The following CWF19L2 variants were observed in gnomAD, a reference collection of about 807,000 sequenced individuals.
The protein encoded by CWF19L2 is CWF19-like protein 2.
In CWF19L2, 98 loss-of-function variants were observed where a neutral mutation model predicts 111.7. The observed-to-expected ratio is 0.88, with a 90% CI of 0.75 to 1.04. CWF19L2 has a LOEUF of 1.04. Among genes scored for constraint, CWF19L2 ranks in the 50% least tolerant of loss-of-function variants. The pLI, the probability that CWF19L2 is intolerant of heterozygous loss-of-function variation, is 0.00. For missense variants in CWF19L2, 1,101 were observed against 1,051.4 expected, an observed-to-expected ratio of 1.05 and a Z score of -0.65; for synonymous variants, 351 against 342.9, an observed-to-expected ratio of 1.02 and a Z score of -0.26.
At chr11:107,455,345 A>C (rs1220004281) in intron 2 of CWF19L2, among the ~76,000 whole-genome samples, 1 of 152,130 alleles carries the variant, frequency 6.6e-6, no homozygotes, top group Non-Finnish European at 1.5e-5. Context: ...CAGGCTTGAG[A>C]CCTAAAAAAA....
chr11:107,427,979 T>A (rs565047614), intron 8 of CWF19L2, among the ~76,000 whole-genome samples: 104 of 152,272 alleles, frequency 6.8e-4, no homozygotes, highest in Middle Eastern at 6.8e-3. Context: ...AGTGCTTTTA[T>A]CTACTACAAC....
chr11:107,435,608 T>C (rs1024405207), intron 6 of CWF19L2, among the ~76,000 whole-genome samples: 52 of 152,124 alleles, frequency 3.4e-4, no homozygotes, highest in African/African-American at 1.2e-3. Flanking sequence ...GTTAAATCCA[T>C]ACAATTTTAG....
At chr11:107,402,875 A>ATG (rs1861025279) in intron 10 of CWF19L2, among the ~76,000 whole-genome samples, 1 of 43,216 alleles carries the variant, frequency 2.3e-5, no homozygotes, top group East Asian at 6.8e-4. Flanking sequence ...TGTGGTGTGT[A>ATG]TATATATATA....
chr11:107,439,990 T>C (rs1424429633), intron 5 of CWF19L2, among the ~76,000 whole-genome samples: 1 of 152,158 alleles, frequency 6.6e-6, no homozygotes, highest in Non-Finnish European at 1.5e-5. Context: ...CAGATGATAG[T>C]AGCCTAATCA....
At chr11:107,415,541 T>C (rs947561930) in intron 10 of CWF19L2, among the ~76,000 whole-genome samples, 36 of 152,228 alleles carry the variant, frequency 2.4e-4, no homozygotes, top group African/African-American at 8.4e-4. Context: ...CCAAAGTAAT[T>C]TGTTTTATAT....
At chr11:107,415,729 A>C (rs1470334605) in intron 10 of CWF19L2, among the ~76,000 whole-genome samples, 1 of 152,206 alleles carries the variant, frequency 6.6e-6, no homozygotes, top group East Asian at 1.9e-4. Flanking sequence ...ATATATAGAA[A>C]ACTAAATTTT....
At chr11:107,333,142 T>C (rs926245998) in intron 16 of CWF19L2, among the ~76,000 whole-genome samples, 5 of 151,950 alleles carry the variant, frequency 3.3e-5, no homozygotes, top group Admixed American at 2.0e-4. Context: ...TCATCCTTCA[T>C]TGACTGTAAC....
chr11:107,330,046 G>C, intron 16 of CWF19L2, 27 bp from the exon 17 acceptor site: 2 of 1,409,428 alleles, frequency 1.4e-6, no homozygotes, highest in Non-Finnish European at 1.9e-6. Flanking sequence ...ATCACAAATG[G>C]AATACAGTAT....
At position 107,442,998 on chromosome 11, in the gene CWF19L2, C is replaced by G; in HGVS notation, c.391G>C (p.Glu131Gln). The G allele has an allele frequency of 6.4e-7, 1 of 1,551,864 alleles. No individual in the cohort carries two copies. Among genetic ancestry groups the G allele is most frequent in the Middle Eastern group, 1.7e-4 (1 of 5,992 alleles). Residue 131 changes from glutamate to glutamine, a missense_variant, in exon 4 of 18, where the codon GAA becomes CAA. Coordinates refer to ENST00000282251, the MANE Select transcript of CWF19L2 (RefSeq NM_152434.3). ...TCATCTTTCACTTTCCAGGCTTTTT[C>G]CTTGTCAGGAGTCTGGGATGGAACA... ...EAVPSQTPDK[E>Q]KAWKVKDEKS...
At chr11:107,363,397 G>A (rs1860389075) in intron 12 of CWF19L2, among the ~76,000 whole-genome samples, 1 of 152,030 alleles carries the variant, frequency 6.6e-6, no homozygotes, top group Admixed American at 6.6e-5. Context: ...TGAAATGAAG[G>A]AAAAATGTTA....
At chr11:107,371,297 C>T (rs1860506971) in intron 12 of CWF19L2, among the ~76,000 whole-genome samples, 2 of 137,376 alleles carry the variant, frequency 1.5e-5, no homozygotes, top group African/African-American at 5.8e-5. Context: ...GCCACCACGC[C>T]CGGCCTCTAG....
chr11:107,457,654 C>A, intron 1 of CWF19L2, 58 bp downstream of exon 1: 1 of 1,300,978 alleles, frequency 7.7e-7, no homozygotes, highest in Non-Finnish European at 1.1e-6. Context: ...GGCTAGCTTA[C>A]GGGAACCCTC....
chr11:107,327,277 A>G (rs535631296), intron 17 of CWF19L2, among the ~76,000 whole-genome samples: 1 of 152,270 alleles, frequency 6.6e-6, no homozygotes, highest in East Asian at 1.9e-4. Context: ...CCTATCAAGC[A>G]ATTTGTCCAT....
rs1365755958 is a variant in CWF19L2, at chr11:107,353,523, C to A, written c.2085+1G>T. The stretch of plus-strand genomic sequence containing the variant: ...AGCAAAGGATAATAAATACTTCTTA[C>A]CTTAACACCTATTGCAACAATAAGA... On this transcript the variant is annotated splice_donor_variant, in intron 13 of 17. Coordinates refer to ENST00000282251, the MANE Select transcript of CWF19L2 (RefSeq NM_152434.3). LOFTEE classifies it high-confidence loss of function. The A allele has an allele frequency of 6.2e-7, 1 of 1,609,826 alleles. No individual in the cohort carries two copies. The highest frequency in any genetic ancestry group is 1.1e-5 in the South Asian group (1 of 90,968).
At chr11:107,407,571 G>C (rs1450202097) in intron 10 of CWF19L2, among the ~76,000 whole-genome samples, 1 of 151,902 alleles carries the variant, frequency 6.6e-6, no homozygotes, top group East Asian at 1.9e-4. Context: ...GCTAATAGTA[G>C]AGTTAGTGAG....
chr11:107,422,563 T>C (rs1221870938), intron 8 of CWF19L2, among the ~76,000 whole-genome samples: 1 of 152,066 alleles, frequency 6.6e-6, no homozygotes, highest in Non-Finnish European at 1.5e-5. Context: ...TGCAGTTTAT[T>C]ATATGTCAAT....
intron 10 of CWF19L2, among the ~76,000 whole-genome samples, chr11:107,404,889 C>T (rs995022710): frequency 6.6e-6 from 1 of 152,106 alleles, no homozygotes; most frequent in African/African-American, 2.4e-5. Context: ...CCTGCCAATA[C>T]AAATCACACT....
At chr11:107,330,411 T>C (rs1859828298) in intron 16 of CWF19L2, among the ~76,000 whole-genome samples, 1 of 152,140 alleles carries the variant, frequency 6.6e-6, no homozygotes, top group Non-Finnish European at 1.5e-5. Context: ...AGAGGGACCT[T>C]GCACATACTT....
intron 3 of CWF19L2, among the ~76,000 whole-genome samples, chr11:107,448,301 C>T (rs538406224): frequency 3.6e-5 from 5 of 140,834 alleles, no homozygotes; most frequent in Non-Finnish European, 6.0e-5. Flanking sequence ...GCTGAGATCA[C>T]GCCACTGCAC....
Sources: allele counts gnomAD v4.1 joint callset (sites outside exome capture counted in the v4.1 genomes callset), GRCh38; gene constraint gnomAD v4.1.1; transcripts MANE v1.5; gene names NCBI Gene and HGNC (gene_info 2026-07-23, HGNC 2026-07-21).